The following SP4 variants were observed in gnomAD, a reference collection of about 807,000 sequenced individuals.
SP4 encodes Sp4 transcription factor, also known as transcription factor Sp4.
SP4 carries 19 observed loss-of-function variants against 72.8 expected under a neutral mutation model. The observed-to-expected ratio is 0.26, with a 90% confidence interval of 0.18 to 0.38. The LOEUF (loss-of-function observed/expected upper bound fraction) is 0.38, where lower values mean the gene tolerates loss of function less well. Ranked by LOEUF, SP4 falls within the 10% of genes least tolerant of loss-of-function variation. The pLI, the probability that SP4 is intolerant of heterozygous loss-of-function variation, is 1.00. For synonymous variants in SP4, 395 were observed against 333.1 expected (o/e 1.19, Z -2.02); for missense variants, 1,008 against 926.3 (o/e 1.09, Z -1.14).
chr7:21,486,035 G>A (rs561101627), intron 5 of SP4, among the ~76,000 whole-genome samples: 1 of 151,866 alleles, frequency 6.6e-6, no homozygotes, highest in Admixed American at 6.6e-5. Context: ...TTGTCTAAAG[G>A]ATTCTTTATT....
intron 5 of SP4, among the ~76,000 whole-genome samples, chr7:21,486,697 A>G (rs891682585): frequency 2.6e-5 from 4 of 152,148 alleles, no homozygotes; most frequent in African/African-American, 9.7e-5. Flanking sequence ...GTTAACCCTG[A>G]TGTATTGGTT....
At chr7:21,435,804 G>GAA (rs1246627327) in intron 3 of SP4, among the ~76,000 whole-genome samples, 1 of 151,246 alleles carries the variant, frequency 6.6e-6, no homozygotes. Flanking sequence ...CATGGAAGAT[G>GAA]AAAAGTACTC....
chr7:21,508,058 T>C (rs958449619), intron 5 of SP4, among the ~76,000 whole-genome samples: 1 of 152,084 alleles, frequency 6.6e-6, no homozygotes, highest in African/African-American at 2.4e-5. Context: ...TGCCTGCTTT[T>C]CTCCCTGTGT....
intron 4 of SP4, among the ~76,000 whole-genome samples, chr7:21,481,287 T>C (rs550126326): frequency 3.3e-5 from 5 of 151,998 alleles, no homozygotes; most frequent in Admixed American, 6.6e-5. Context: ...GTGGGAAGAG[T>C]AGGAATCATA....
rs1352968346 is a variant in SP4 at position 21,430,382 on chromosome 7, A to G, written c.1217A>G (p.Gln406Arg). The change falls in exon 3 of 6, where the codon CAG (glutamine) becomes CGG (arginine). Residue 406 changes from glutamine (Q) to arginine (R), a missense_variant. This residue lies in a region of SP4 where 893 missense variants were observed against 743.3 expected (regional missense o/e 1.20). Coordinates refer to ENST00000222584, the MANE Select transcript of SP4 (RefSeq NM_003112.5). ...ATTGTAGGCCAACCTATCTTACAGCAGATCCAGATCCAACAGCCTCAGCAA... is the reference window on the plus strand; with the variant it reads ...ATTGTAGGCCAACCTATCTTACAGCGGATCCAGATCCAACAGCCTCAGCAA... ...VQIVGQPILQ[Q>R]IQIQQPQQQI... 1 of 1,614,238 alleles carries G rather than the reference A, an allele frequency of 6.2e-7. No homozygotes were observed. Among genetic ancestry groups the G allele is most frequent in the South Asian group, 1.1e-5 (1 of 91,088 alleles).
In SP4 at chr7:21,428,702, GGCGGCA is replaced by G. The variant is rs745695841; in HGVS notation, c.45_50del (p.Ala16_Ala17del). On this transcript the variant is annotated inframe_deletion, in exon 2 of 6. Coordinates refer to ENST00000222584, the MANE Select transcript of SP4 (RefSeq NM_003112.5). ...ATCAGAAGAAGGAGGAGGAGGAGGA[GGCGGCA>G]GCGGCAGCGGCGATGGCTACAGAAG... The G allele has an allele frequency of 4.2e-5, 65 of 1,554,456 alleles. No individual in the cohort carries two copies. Among genetic ancestry groups the G allele is most frequent in the Non-Finnish European group, 4.9e-5 (56 of 1,148,404 alleles).
chr7:21,435,297 C>T (rs1783012398), intron 3 of SP4, among the ~76,000 whole-genome samples: 1 of 152,070 alleles, frequency 6.6e-6, no homozygotes. Flanking sequence ...GACTCTCTTA[C>T]CTAATTTCTT....
At chr7:21,502,912 A>T (rs1781905860) in intron 5 of SP4, among the ~76,000 whole-genome samples, 1 of 151,838 alleles carries the variant, frequency 6.6e-6, no homozygotes, top group Admixed American at 6.6e-5. Flanking sequence ...TTCTTTTTAG[A>T]TTTTTCTCAG....
At chr7:21,429,170 T>A in intron 2 of SP4, 119 bp from the exon 3 acceptor site, 6 of 611,354 alleles carry the variant, frequency 9.8e-6, no homozygotes, top group Non-Finnish European at 1.7e-5. Flanking sequence ...TTTCTGCTGC[T>A]TCCTAAATTG....
chr7:21,501,016 C>T (rs552537358), intron 5 of SP4, among the ~76,000 whole-genome samples: 3 of 152,246 alleles, frequency 2.0e-5, no homozygotes, highest in South Asian at 4.2e-4. Context: ...GCAGTTACAG[C>T]AGTTAATTTA....
rs1237996819 is a variant in SP4 at position 21,514,565 on chromosome 7, A to G, written c.*3296A>G. ...AAAAATGAAAAAAAAAGATGAATCC[A>G]GAAAAAAACCTGTTTCCCATATTCT... On this transcript the variant is annotated 3_prime_UTR_variant, in exon 6 of 6. Transcript: ENST00000222584. 6.6e-6 allele frequency: 1 copy of G among 151,406 alleles called. No homozygotes were observed. The highest frequency in any genetic ancestry group is 1.5e-5 in the Non-Finnish European group (1 of 67,866). 9.4% of individuals were successfully genotyped at this position (151,406 alleles called of 1,614,324 possible).
At chr7:21,501,583 T>G (rs1303751912) in intron 5 of SP4, among the ~76,000 whole-genome samples, 1 of 152,218 alleles carries the variant, frequency 6.6e-6, no homozygotes, top group African/African-American at 2.4e-5. Flanking sequence ...TGTTAAGACT[T>G]CTGCCACAAT....
chr7:21,496,214 T>A (rs1781701134), intron 5 of SP4, among the ~76,000 whole-genome samples: 1 of 152,142 alleles, frequency 6.6e-6, no homozygotes, highest in Admixed American at 6.6e-5. Flanking sequence ...TCAAAACTCA[T>A]AGAACTCTAT....
At chr7:21,463,649 T>C (rs780423242) in intron 3 of SP4, among the ~76,000 whole-genome samples, 5 of 152,144 alleles carry the variant, frequency 3.3e-5, no homozygotes, top group African/African-American at 4.8e-5. Context: ...AATATCGTGG[T>C]TGGAGAAGAG....
At chr7:21,487,354 G>GTC (rs372613825) in intron 5 of SP4, among the ~76,000 whole-genome samples, 7 of 144,728 alleles carry the variant, frequency 4.8e-5, no homozygotes, top group South Asian at 4.3e-4. Context: ...CTCTTTCTCT[G>GTC]TCTCTCTCTC....
At chr7:21,453,072 C>T (rs757927202) in intron 3 of SP4, among the ~76,000 whole-genome samples, 2 of 152,152 alleles carry the variant, frequency 1.3e-5, no homozygotes, top group Non-Finnish European at 2.9e-5. Context: ...GCCACCGTGC[C>T]CGACCTACTC....
intron 5 of SP4, among the ~76,000 whole-genome samples, chr7:21,484,396 G>A (rs989722325): frequency 6.6e-6 from 1 of 151,764 alleles, no homozygotes; most frequent in African/African-American, 2.4e-5. Context: ...TTGTGGGATC[G>A]TGTCAACACT....
chr7:21,469,730 G>T (rs910805324), intron 3 of SP4, among the ~76,000 whole-genome samples: 6 of 151,824 alleles, frequency 4.0e-5, no homozygotes, highest in African/African-American at 1.5e-4. Flanking sequence ...TTTTAGTAGA[G>T]ACAAGATTTC....
chr7:21,441,800 T>C (rs1317236747), intron 3 of SP4, among the ~76,000 whole-genome samples: 1 of 152,098 alleles, frequency 6.6e-6, no homozygotes, highest in Non-Finnish European at 1.5e-5. Context: ...TGGTAAGGGA[T>C]TAGGTAAAAA....
Sources: gnomAD v4.1 joint callset for allele counts (sites outside exome capture counted in the v4.1 genomes callset) on GRCh38, gnomAD v4.1.1 for gene constraint, gnomAD v4.1.1 regional missense constraint, MANE v1.5 for transcripts, NCBI Gene and HGNC (gene_info 2026-07-23, HGNC 2026-07-21) for gene names.